CLEC4F: variants seen among roughly 807,000 people sequenced by gnomAD.
CLEC4F encodes C-type (calcium dependent, carbohydrate-recognition domain) lectin, superfamily member 13.
A neutral mutation model predicts 53.4 loss-of-function variants in CLEC4F; 45 were observed. That is an observed-to-expected ratio of 0.84 (90% CI 0.66 to 1.08). CLEC4F has a LOEUF of 1.08. CLEC4F is among the 50% of genes least tolerant of loss of function. The pLI, the probability that CLEC4F is intolerant of heterozygous loss-of-function variation, is 0.00. For synonymous variants in CLEC4F, 245 were observed against 257.5 expected, an observed-to-expected ratio of 0.95 and a Z score of 0.46; for missense variants, 753 against 698.2, an observed-to-expected ratio of 1.08 and a Z score of -0.88.
Position 70,820,498 on chromosome 2 carries a change from C to T in CLEC4F, c.26G>A (p.Cys9Tyr). MDGEAVRF[C>Y]TDNQCVSLHP... ...CAGGGAGACACACTGGTTATCTGTG[C>T]AGAAGCGGACTGCCTCACCGTCCAT... is the stretch of plus-strand genomic sequence containing the variant. Residue 9 changes from cysteine (C) to tyrosine (Y), a missense_variant, in exon 1 of 7, where the codon TGC (cysteine) becomes TAC (tyrosine). Cys to Tyr is a radical substitution (Grantham distance 194). Coordinates refer to ENST00000272367, the MANE Select transcript of CLEC4F (RefSeq NM_173535.3). The T allele has an allele frequency of 6.3e-7, 1 of 1,590,552 alleles. No individual in the cohort carries two copies.
At position 70,812,502 on chromosome 2, in the gene CLEC4F, T is replaced by C; in HGVS notation, c.1484A>G (p.Gln495Arg). The change falls in exon 5 of 7, where the codon CAG becomes CGG. Residue 495 changes from glutamine (Q) to arginine (R), a missense_variant. Transcript: ENST00000272367. ...SVKKSWHEAEQFCVSQGAHLA... is the reference protein window; with the variant it reads ...SVKKSWHEAERFCVSQGAHLA... ...ATGGGCTCCCTGGGACACGCAGAAC[T>C]GCTCAGCCTCATGCCAAGACTTCTT... The C allele has an allele frequency of 6.2e-7, 1 of 1,614,238 alleles. No individual in the cohort carries two copies. The highest frequency in any genetic ancestry group is 8.5e-7 in the Non-Finnish European group (1 of 1,180,040).
chr2:70,819,314 C>A (rs782295190), intron 3 of CLEC4F, 41 bp downstream of exon 3: 3 of 1,519,578 alleles, frequency 2.0e-6, no homozygotes, highest in East Asian at 2.2e-5. Context: ...ATCTGAAGGC[C>A]CCAGTTCCCT....
rs1676923737 is a variant in CLEC4F, at chr2:70,816,534, C to T, written c.847G>A (p.Ala283Thr). Residue 283 changes from alanine to threonine, a missense_variant, in exon 4 of 7, where the codon GCT (alanine) becomes ACT (threonine). Ala to Thr is a moderately conservative substitution (Grantham distance 58). Transcript: ENST00000272367. ...VLRNSLEGANAEIQGLKENLQ... is the reference protein window; with the variant it reads ...VLRNSLEGANTEIQGLKENLQ... ...TTTTCCTTTAGTCCCTGGATCTCAGCATTGGCTCCTTCCAAACTATTTCTT... is the reference window on the plus strand; with the variant it reads ...TTTTCCTTTAGTCCCTGGATCTCAGTATTGGCTCCTTCCAAACTATTTCTT... The T allele has an allele frequency of 6.2e-7, 1 of 1,614,124 alleles. No homozygotes were observed. The highest frequency in any genetic ancestry group is 8.5e-7 in the Non-Finnish European group (1 of 1,180,038).
In CLEC4F at chr2:70,809,235, A is replaced by G. The variant is rs782206162; in HGVS notation, c.*36T>C. 4.4e-6 allele frequency: 7 copies of G among 1,608,610 alleles called. No homozygotes were observed. In the Admixed American group the frequency reaches 1.2e-4, roughly 27 times the overall value. On this transcript the variant is annotated 3_prime_UTR_variant, in exon 7 of 7. Coordinates refer to ENST00000272367, the MANE Select transcript of CLEC4F (RefSeq NM_173535.3). Reference sequence around the variant, plus strand: ...CTAGGATGAGGACAGGGCTGGGAGAAGGAGTACCCTGAGGGTGTCTGTGCT... The same window carrying G: ...CTAGGATGAGGACAGGGCTGGGAGAGGGAGTACCCTGAGGGTGTCTGTGCT...
upstream of CLEC4F, among the ~76,000 whole-genome samples, chr2:70,824,621 C>CAAAAAAAAAAAAAAAAAAAAAAAAAAAAA (rs1388918958): frequency 7.8e-5 from 3 of 38,252 alleles, no homozygotes; most frequent in Non-Finnish European, 9.6e-5. Context: ...TGCTTAGTTA[C>CAAAAAAAAAAAAAAAAAAAAAAAAAAAAA]CAAAAAAAAA....
chr2:70,809,217 G>A lies in CLEC4F; in HGVS notation c.*54C>T. 1 of 1,595,846 alleles carries A rather than the reference G, an allele frequency of 6.3e-7. No homozygotes were observed. Among genetic ancestry groups the A allele is most frequent in the Non-Finnish European group, 8.5e-7 (1 of 1,171,158 alleles). ...CTTCATCCCCTAGTGGCCCTAGGAT[G>A]AGGACAGGGCTGGGAGAAGGAGTAC... On this transcript the variant is annotated 3_prime_UTR_variant, in exon 7 of 7. Coordinates refer to ENST00000272367, the MANE Select transcript of CLEC4F (RefSeq NM_173535.3).
chr2:70,811,242 G>T, intron 5 of CLEC4F: 1 of 895,610 alleles, frequency 1.1e-6, no homozygotes, highest in Non-Finnish European at 1.8e-6. Context: ...TTAGCTCAAG[G>T]CACAATTGTC....
intron 3 of CLEC4F, among the ~76,000 whole-genome samples, chr2:70,817,987 T>TG (rs1415067227): frequency 6.6e-6 from 1 of 152,240 alleles, no homozygotes; most frequent in Non-Finnish European, 1.5e-5. Context: ...TAGCATCCTT[T>TG]GTTCACCTCA....
At chr2:70,812,890 C>A (rs984034465) in intron 4 of CLEC4F, among the ~76,000 whole-genome samples, 2 of 152,206 alleles carry the variant, frequency 1.3e-5, no homozygotes, top group Non-Finnish European at 2.9e-5. Flanking sequence ...CAACTCATTG[C>A]TATCACCTGA....
upstream of CLEC4F, among the ~76,000 whole-genome samples, chr2:70,823,548 G>A (rs943568025): frequency 6.6e-6 from 1 of 152,190 alleles, no homozygotes; most frequent in Admixed American, 6.5e-5. Flanking sequence ...TGCCCAACTG[G>A]AAGGTCAGAG....
chr2:70,818,883 G>A (rs1677071237), intron 3 of CLEC4F, among the ~76,000 whole-genome samples: 2 of 146,982 alleles, frequency 1.4e-5, no homozygotes, highest in South Asian at 4.2e-4. Flanking sequence ...TTAGGAGAAT[G>A]ACAAGACAAG....
chr2:70,813,555 TTTTC>T (rs1157912956), intron 4 of CLEC4F, among the ~76,000 whole-genome samples: 11 of 145,754 alleles, frequency 7.5e-5, no homozygotes, highest in African/African-American at 2.4e-4. Flanking sequence ...TTCTTTCTTT[TTTTC>T]TTTCTTTCTC....
chr2:70,808,976 G>A lies in CLEC4F; in HGVS notation c.*295C>T, dbSNP rs1553393334. ...GGCTTCTTGCACACCCACTGATAGG[G>A]GGTGTCACAGGTCATGTCATTCCAC... On this transcript the variant is annotated 3_prime_UTR_variant, in exon 7 of 7. Coordinates refer to ENST00000272367, the MANE Select transcript of CLEC4F (RefSeq NM_173535.3). 3.6e-6 allele frequency: 4 copies of A among 1,101,008 alleles called. No homozygotes were observed. Among genetic ancestry groups the A allele is most frequent in the South Asian group, 2.8e-5 (2 of 70,778 alleles). 68.2% of individuals were successfully genotyped at this position (1,101,008 alleles called of 1,614,324 possible).
At chr2:70,823,258 G>A (rs187230516), upstream of CLEC4F, among the ~76,000 whole-genome samples, 1 of 152,318 alleles carries the variant, frequency 6.6e-6, no homozygotes, top group East Asian at 1.9e-4. Context: ...AGGAATGAAG[G>A]GTGAAGGCAC....
At chr2:70,812,321 C>T (rs1208331492) in intron 5 of CLEC4F, 126 bp downstream of exon 5, 17 of 996,364 alleles carry the variant, frequency 1.7e-5, no homozygotes, top group Non-Finnish European at 2.5e-5. Context: ...TCAATATTTG[C>T]TCCCTGCCTG....
chr2:70,819,956 G>A, intron 1 of CLEC4F, 65 bp from the exon 2 acceptor site: 1 of 1,068,578 alleles, frequency 9.4e-7, no homozygotes. Context: ...GTGCTGTGCA[G>A]GCTGAGACAC....
At position 70,809,026 on chromosome 2, in the gene CLEC4F, T is replaced by A. The variant is rs1035972003; in HGVS notation, c.*245A>T. 3.5e-5 allele frequency: 52 copies of A among 1,473,290 alleles called. No individual in the cohort carries two copies. In the African/African-American group the frequency reaches 6.6e-4, roughly 19 times the overall value. 91.3% of individuals were successfully genotyped at this position (1,473,290 alleles called of 1,614,324 possible). The stretch of plus-strand genomic sequence containing the variant: ...CTTCTGCTGAATTTGGACACAGTCT[T>A]CAGTCTGCCCATTCTTGTGCCGCCA... On this transcript the variant is annotated 3_prime_UTR_variant, in exon 7 of 7. Coordinates refer to ENST00000272367, the MANE Select transcript of CLEC4F (RefSeq NM_173535.3).
upstream of CLEC4F, among the ~76,000 whole-genome samples, chr2:70,822,265 T>G (rs1677245357): frequency 6.6e-6 from 1 of 152,146 alleles, no homozygotes; most frequent in Non-Finnish European, 1.5e-5. Context: ...AAAGCACACA[T>G]TTGGTGTCAG....
intron 1 of CLEC4F, 23 bp from the exon 2 acceptor site, chr2:70,819,914 C>T: frequency 6.7e-7 from 1 of 1,503,578 alleles, no homozygotes; most frequent in Non-Finnish European, 9.0e-7. Context: ...AGGCAGTGTC[C>T]AAGGTGAGAG....
Sources: allele counts gnomAD v4.1 joint callset (sites outside exome capture counted in the v4.1 genomes callset), GRCh38; gene constraint gnomAD v4.1.1; transcripts MANE v1.5; gene names NCBI Gene and HGNC (gene_info 2026-07-23, HGNC 2026-07-21).